Variants in ATR observed in about 807,000 individuals in gnomAD.
ATR encodes ATR checkpoint kinase.
In ATR, 142 loss-of-function variants were observed where a neutral mutation model predicts 305.3. The ratio of observed to expected loss-of-function variants is 0.47; its 90% CI spans 0.41 to 0.53. ATR has a LOEUF of 0.53. ATR is among the 20% of genes least tolerant of loss of function. ATR has a pLI of 0.00. For synonymous variants in ATR, 1,050 were observed against 1,068.1 expected (o/e 0.98, Z 0.33); for missense variants, 2,135 against 3,133.1 (o/e 0.68, Z 7.60).
rs2108473113 is a variant in ATR at position 142,556,492 on chromosome 3, T to A, written c.1969A>T (p.Asn657Tyr). The change falls in exon 9 of 47, where the codon AAC (asparagine) becomes TAC (tyrosine). Residue 657 changes from asparagine (N) to tyrosine (Y), a missense_variant. Physicochemically the swap from Asn to Tyr is moderately radical, Grantham distance 143. Around this residue, in one of 9 missense-constraint regions of ATR, gnomAD observed 744 missense variants for 873.2 expected, o/e 0.85. Coordinates refer to ENST00000350721, the MANE Select transcript of ATR (RefSeq NM_001184.4). The stretch of plus-strand genomic sequence containing the variant: ...TCATGGGAGCTCTGCAGGGCCCAGT[T>A]GTAAACTGCTGTTCTCCACTCAAGG... The part of the protein sequence containing the change: ...IFLEWRTAVY[N>Y]WALQSSHEVI... 1 of 1,614,094 alleles carries A rather than the reference T, an allele frequency of 6.2e-7. No homozygotes were observed. The highest frequency in any genetic ancestry group is 1.6e-4 in the Middle Eastern group (1 of 6,062).
At chr3:142,540,692 T>A (rs1019025444) in intron 18 of ATR, among the ~76,000 whole-genome samples, 1 of 152,154 alleles carries the variant, frequency 6.6e-6, no homozygotes, top group African/African-American at 2.4e-5. Flanking sequence ...GTAGGTTCAT[T>A]GATAACTCTT....
chr3:142,535,277 T>C (rs1559972512), intron 20 of ATR, 72 bp from the exon 21 acceptor site: 1 of 1,575,360 alleles, frequency 6.3e-7, no homozygotes, highest in South Asian at 1.1e-5. Context: ...AGGCCTGAAT[T>C]CTCTATATAG....
chr3:142,550,238 G>T lies in ATR; in HGVS notation c.2870C>A (p.Ala957Asp). 6.2e-7 allele frequency: 1 copy of T among 1,614,162 alleles called. No individual in the cohort carries two copies. The highest frequency in any genetic ancestry group is 8.5e-7 in the Non-Finnish European group (1 of 1,180,004). ...AGCCACATCTTGTTTTCGCACGTCA[G>T]CATTCTGGCATGGAGTATTCGGAAG... The part of the protein sequence containing the change: ...TALPNTPCQN[A>D]DVRKQDVAHQ... Residue 957 changes from alanine (A) to aspartate (D), a missense_variant, in exon 14 of 47, where the codon GCT becomes GAT. Transcript: ENST00000350721.
chr3:142,452,408 C>T (rs967877806), intron 46 of ATR: 2 of 986,912 alleles, frequency 2.0e-6, no homozygotes, highest in Admixed American at 6.0e-5. Context: ...GGCACAGTGG[C>T]TTATGCCTAT....
At chr3:142,558,361 A>G (rs1205074842) in intron 8 of ATR, among the ~76,000 whole-genome samples, 1 of 151,934 alleles carries the variant, frequency 6.6e-6, no homozygotes, top group Non-Finnish European at 1.5e-5. Context: ...CGCCTCTACT[A>G]AAAATATAAG....
chr3:142,512,450 T>C lies in ATR; in HGVS notation c.4662A>G (p.Ala1554=), dbSNP rs758763890. 10 of 1,611,656 alleles carry C rather than the reference T, an allele frequency of 6.2e-6. No individual in the cohort carries two copies. In the Admixed American group the frequency reaches 1.7e-4, roughly 27 times the overall value. Residue 1554 remains alanine (A), a synonymous_variant, in exon 27 of 47, where the codon GCA becomes GCG. Coordinates refer to ENST00000350721, the MANE Select transcript of ATR (RefSeq NM_001184.4). ...DQQEVYAEIM[A]VLKHDDQHTI... ...TATGCTGATCGTCATGCTTTAGAAC[T>C]GCCATAATTTCTGCATAAACCTATG...
In ATR at chr3:142,553,986, T is replaced by C. The variant is rs750056041; in HGVS notation, c.2371A>G (p.Lys791Glu). ...AFIDNLHHLC[K>E]HLDFREDETD... ...TCATCTTCTCTAAAATCAAGATGCT[T>C]ACAAAGATGATGTAGATTATCTATG... is the stretch of plus-strand genomic sequence containing the variant. The change falls in exon 11 of 47, where the codon AAG (lysine) becomes GAG (glutamate). Residue 791 changes from lysine (K) to glutamate (E), a missense_variant. By Grantham distance (56) the Lys-to-Glu change is moderately conservative. Around this residue, in one of 9 missense-constraint regions of ATR, gnomAD observed 530 missense variants for 766.8 expected, o/e 0.69. Coordinates refer to ENST00000350721, the MANE Select transcript of ATR (RefSeq NM_001184.4). 3 of 1,609,292 alleles carry C rather than the reference T, an allele frequency of 1.9e-6. No homozygotes were observed. The highest frequency in any genetic ancestry group is 2.5e-6 in the Non-Finnish European group (3 of 1,177,826).
At chr3:142,529,201 T>C (rs1053368132) in intron 21 of ATR, among the ~76,000 whole-genome samples, 3 of 151,984 alleles carry the variant, frequency 2.0e-5, no homozygotes, top group Non-Finnish European at 2.9e-5. Context: ...TTAATACCTT[T>C]AATATTAATT....
chr3:142,499,247 A>C (rs1487529982), intron 31 of ATR: 3 of 315,152 alleles, frequency 9.5e-6, no homozygotes, highest in Non-Finnish European at 1.9e-5. Context: ...TTAAGTATGA[A>C]TGTTGCTAAG....
rs376735982 is a variant in ATR at position 142,459,035 on chromosome 3, G to T, written c.7426C>A (p.Arg2476Ser). The T allele has an allele frequency of 6.2e-7, 1 of 1,613,888 alleles. No individual in the cohort carries two copies. The highest frequency in any genetic ancestry group is 8.5e-7 in the Non-Finnish European group (1 of 1,179,840). The part of the protein sequence containing the change: ...MVGYILGLGD[R>S]HGENILFDSL... Reference sequence around the variant, plus strand: ...TCAAAGAGAATATTTTCACCATGACGGTCTCCAAGCCCCAGAATATAACCA... The same window carrying T: ...TCAAAGAGAATATTTTCACCATGACTGTCTCCAAGCCCCAGAATATAACCA... Residue 2476 changes from arginine to serine, a missense_variant, in exon 44 of 47, where the codon CGT becomes AGT. Arg to Ser is a moderately radical substitution (Grantham distance 110). Around this residue, in one of 9 missense-constraint regions of ATR, gnomAD observed 462 missense variants for 887.6 expected, o/e 0.52. Transcript: ENST00000350721.
chr3:142,483,107 G>C (rs977016151), intron 36 of ATR, among the ~76,000 whole-genome samples: 2 of 150,670 alleles, frequency 1.3e-5, no homozygotes, highest in African/African-American at 4.9e-5. Context: ...CCAGGTTCAG[G>C]TAATCCTCCC....
intron 40 of ATR, 79 bp from the exon 41 acceptor site, chr3:142,465,319 TG>T: frequency 6.2e-6 from 7 of 1,129,130 alleles, no homozygotes; most frequent in Admixed American, 2.3e-5. Context: ...CCTTGAGTTA[TG>T]TAAAAAAAAA....
intron 28 of ATR, among the ~76,000 whole-genome samples, chr3:142,506,338 T>C (rs2032234402): frequency 6.6e-6 from 1 of 152,134 alleles, no homozygotes; most frequent in Non-Finnish European, 1.5e-5. Context: ...AGAAGTTACA[T>C]CTTGAAATTG....
chr3:142,549,685 T>A lies in ATR; in HGVS notation c.2977-12A>T, dbSNP rs1307398333. 1 of 1,612,024 alleles carries A rather than the reference T, an allele frequency of 6.2e-7. No individual in the cohort carries two copies. The highest frequency in any genetic ancestry group is 1.7e-5 in the Admixed American group (1 of 59,834). On this transcript the variant is annotated splice_polypyrimidine_tract_variant and intron_variant, in intron 14 of 46. Coordinates refer to ENST00000350721, the MANE Select transcript of ATR (RefSeq NM_001184.4). ...ACTTGTAATGTCCTCTGAAAAAGAA[T>A]GCAACAATTACCAAAAAGTACATTT...
intron 16 of ATR, among the ~76,000 whole-genome samples, chr3:142,544,964 T>G (rs535084609): frequency 6.6e-6 from 1 of 152,324 alleles, no homozygotes; most frequent in South Asian, 2.1e-4. Flanking sequence ...ACTAATTGTA[T>G]GGTTCTAGCC....
rs2070941448 is a variant in ATR, at chr3:142,457,910, C to A, written c.7504-155G>T. ...TTTAGAAGTTTGTAACATGAAGGAG[C>A]CATGTAGCTCTGCCTTTGCTTTTAC... On this transcript the variant is annotated intron_variant, in intron 44 of 46. Transcript: ENST00000350721. 4 of 795,836 alleles carry A rather than the reference C, an allele frequency of 5.0e-6. No individual in the cohort carries two copies. The South Asian group carries it at 7.3e-5, about 14-fold the overall frequency. 49.3% of individuals were successfully genotyped at this position (795,836 alleles called of 1,614,324 possible). A position where few individuals can be genotyped will look rare whatever the true frequency, so the allele number is the denominator to read the frequency against.
At position 142,553,375 on chromosome 3, in the gene ATR, G is replaced by T; in HGVS notation, c.2657C>A (p.Pro886Gln). 1 of 1,613,588 alleles carries T rather than the reference G, an allele frequency of 6.2e-7. No individual in the cohort carries two copies. The highest frequency in any genetic ancestry group is 8.5e-7 in the Non-Finnish European group (1 of 1,179,926). Residue 886 changes from proline to glutamine, a missense_variant, in exon 13 of 47, where the codon CCA becomes CAA. Around this residue, in one of 9 missense-constraint regions of ATR, gnomAD observed 530 missense variants for 766.8 expected, o/e 0.69. Transcript: ENST00000350721. ...IGRAAKGDLV[P>Q]FALLHLLHCL... ...ATGCAATAAGTGTAAGAGTGCAAATGGTACCAAATCTCCTTTTGCGGCCCT... is the reference window on the plus strand; with the variant it reads ...ATGCAATAAGTGTAAGAGTGCAAATTGTACCAAATCTCCTTTTGCGGCCCT...
chr3:142,467,553 A>G (rs2071159049), intron 39 of ATR, among the ~76,000 whole-genome samples: 1 of 152,154 alleles, frequency 6.6e-6, no homozygotes, highest in East Asian at 1.9e-4. Context: ...ATGTATATGA[A>G]TTTTGAAAGT....
chr3:142,563,585 C>T (rs895416040), intron 3 of ATR, among the ~76,000 whole-genome samples: 2 of 152,162 alleles, frequency 1.3e-5, no homozygotes, highest in Admixed American at 1.3e-4. Context: ...AGCAGTTCCC[C>T]ATCTCTCTCC....
Sources: gnomAD v4.1 joint callset for allele counts (sites outside exome capture counted in the v4.1 genomes callset) on GRCh38, gnomAD v4.1.1 for gene constraint, gnomAD v4.1.1 regional missense constraint, MANE v1.5 for transcripts, NCBI Gene and HGNC (gene_info 2026-07-23, HGNC 2026-07-21) for gene names.